Variants in MBD6 observed in about 807,000 individuals in gnomAD.
The protein encoded by MBD6 is methyl-CpG binding domain protein 6, also known as methyl-CpG-binding domain protein 6.
A neutral mutation model predicts 66.8 loss-of-function variants in MBD6; 22 were observed. The ratio of observed to expected loss-of-function variants is 0.33; its 90% CI spans 0.24 to 0.47. MBD6 has a LOEUF of 0.47. MBD6 is among the 20% of genes least tolerant of loss of function. MBD6 has a pLI of 1.00. For missense variants in MBD6, 1,322 were observed against 1,286.9 expected, an observed-to-expected ratio of 1.03 and a Z score of -0.42; for synonymous variants, 540 against 534.6, an observed-to-expected ratio of 1.01 and a Z score of -0.14.
upstream of MBD6, chr12:57,521,690 C>T (rs1433588317): frequency 3.3e-5 from 5 of 152,244 alleles, no homozygotes; most frequent in African/African-American, 1.2e-4. Context: ...ACCTATTTTC[C>T]CCCACGGTAC....
In MBD6 at chr12:57,528,179, A is replaced by T; in HGVS notation, c.2439A>T (p.Leu813=). The T allele has an allele frequency of 6.2e-7, 1 of 1,606,156 alleles. No homozygotes were observed. ...CAGAGCAGCCAGAAGCCCCCTGTCT[A>T]CCCCCCGAGAGCCCTGCCTCAGCCC... is the stretch of plus-strand genomic sequence containing the variant. ...IPPEQPEAPC[L]PPESPASALE... is the part of the protein sequence containing the mutation. Residue 813 remains leucine, a synonymous_variant, in exon 10 of 13, where the codon CTA becomes CTT. Coordinates refer to ENST00000355673, the MANE Select transcript of MBD6 (RefSeq NM_052897.4).
At position 57,528,515 on chromosome 12, in the gene MBD6, G is replaced by A. The variant is rs752403940; in HGVS notation, c.2775G>A (p.Glu925=). The stretch of plus-strand genomic sequence containing the variant: ...GGGAGCTGGCTGAAGGGGGTGCTGA[G>A]CCCAAGGATCCACCCCCTCCCGGGC... The part of the protein sequence containing the change: ...HNGELAEGGA[E]PKDPPPPGPH... The change falls in exon 10 of 13, where the codon GAG becomes GAA. Residue 925 remains glutamate, a synonymous_variant. Transcript: ENST00000355673. The A allele has an allele frequency of 9.3e-6, 15 of 1,613,508 alleles. No homozygotes were observed. In the South Asian group the frequency reaches 1.6e-4, roughly 18 times the overall value.
At chr12:57,525,192 G>A (rs1878785589) in intron 5 of MBD6, 77 bp downstream of exon 5, 2 of 1,549,498 alleles carry the variant, frequency 1.3e-6, no homozygotes, top group Non-Finnish European at 1.7e-6. Flanking sequence ...GGAGTTCCTT[G>A]AGAGGGAGCA....
At chr12:57,526,505 G>T in intron 6 of MBD6, 61 bp from the exon 7 acceptor site, 2 of 1,510,820 alleles carry the variant, frequency 1.3e-6, no homozygotes, top group Non-Finnish European at 8.9e-7. Flanking sequence ...AGGGAGGTTG[G>T]CTTCTTTGGA....
chr12:57,527,443 A>G, intron 7 of MBD6, 64 bp from the exon 8 acceptor site: 1 of 1,561,826 alleles, frequency 6.4e-7, no homozygotes, highest in Non-Finnish European at 8.8e-7. Flanking sequence ...AGTGGATGTG[A>G]AAGCACTATA....
At chr12:57,522,447 C>A (rs1878418546), upstream of MBD6, among the ~76,000 whole-genome samples, 1 of 152,144 alleles carries the variant, frequency 6.6e-6, no homozygotes, top group Non-Finnish European at 1.5e-5. Context: ...CCTCCCGGAC[C>A]TGGCATTCCT....
Position 57,525,620 on chromosome 12 carries a change from CCTG to C in MBD6, c.655_657del (p.Ala219del), listed in dbSNP as rs1211555693. 5 of 1,613,692 alleles carry C rather than the reference CCTG, an allele frequency of 3.1e-6. No individual in the cohort carries two copies. Among genetic ancestry groups the C allele is most frequent in the East Asian group, 4.5e-5 (2 of 44,864 alleles). The stretch of plus-strand genomic sequence containing the variant: ...CCCCTCTCCAGCCCCACCTCCTCCA[CCTG>C]CTATCAGCCTCAATGCTCCCTCATA... On this transcript the variant is annotated inframe_deletion, in exon 6 of 13. Transcript: ENST00000355673.
At position 57,528,207 on chromosome 12, in the gene MBD6, G is replaced by A. The variant is rs1031354997; in HGVS notation, c.2467G>A (p.Glu823Lys). 21 of 1,610,062 alleles carry A rather than the reference G, an allele frequency of 1.3e-5. No homozygotes were observed. The highest frequency in any genetic ancestry group is 6.6e-5 in the South Asian group (6 of 90,752). The change falls in exon 10 of 13, where the codon GAA (glutamate) becomes AAA (lysine). Residue 823 changes from glutamate to lysine, a missense_variant. By Grantham distance (56) the Glu-to-Lys change is moderately conservative (BLOSUM62 1). Transcript: ENST00000355673. ...LPPESPASAL[E>K]PEPARPPLSA... Reference sequence around the variant, plus strand: ...CCCCGAGAGCCCTGCCTCAGCCCTCGAACCAGAGCCTGCCAGGCCTCCCCT... The same window carrying A: ...CCCCGAGAGCCCTGCCTCAGCCCTCAAACCAGAGCCTGCCAGGCCTCCCCT...
Position 57,529,822 on chromosome 12 carries a change from C to G in MBD6, c.*588C>G, listed in dbSNP as rs1879456232. 2 of 153,908 alleles carry G rather than the reference C, an allele frequency of 1.3e-5. No homozygotes were observed. The highest frequency in any genetic ancestry group is 2.9e-5 in the Non-Finnish European group (2 of 69,016). The allele number at this position is 153,908 out of a possible 1,614,324, so 9.5% of individuals were successfully genotyped here. A position where few individuals can be genotyped will look rare whatever the true frequency, so the allele number is the denominator to read the frequency against. ...TCATTTCAAGGTGTAGCCAGGTTCC[C>G]CCGACTTTCCTCTGGGATATAAAAA... On this transcript the variant is annotated 3_prime_UTR_variant, in exon 13 of 13. Transcript: ENST00000355673.
In MBD6 at chr12:57,527,951, G is replaced by A. The variant is rs150653337; in HGVS notation, c.2340G>A (p.Gly780=). 8.7e-5 allele frequency: 139 copies of A among 1,597,196 alleles called. 1 individual carries two copies. In the South Asian group the frequency reaches 1.3e-3, roughly 15 times the overall value. The change falls in exon 9 of 13, where the codon GGG becomes GGA. Residue 780 remains glycine, a synonymous_variant. Coordinates refer to ENST00000355673, the MANE Select transcript of MBD6 (RefSeq NM_052897.4). ...AGTTGGGGCTGCAGCTCCTCCCTGG[G>A]GGGGGAGCTCCTCCACCCCTCTCAG... ...SGQLGLQLLP[G]GGAPPPLSEA...
In MBD6 at chr12:57,527,586, C is replaced by T. The variant is rs376552837; in HGVS notation, c.2162C>T (p.Ser721Phe). 3.6e-5 allele frequency: 58 copies of T among 1,613,958 alleles called. No homozygotes were observed. The highest frequency in any genetic ancestry group is 1.6e-4 in the Middle Eastern group (1 of 6,082). ...GCAACTACTGACCCGGGGGCCTCCT[C>T]TCTGGGCAAGGCCCCCTCCAACTCA... ...TTATTDPGASSLGKAPSNSGR... is the reference protein window; with the variant it reads ...TTATTDPGASFLGKAPSNSGR... Residue 721 changes from serine (S) to phenylalanine (F), a missense_variant, in exon 8 of 13, where the codon TCT becomes TTT. Transcript: ENST00000355673.
chr12:57,531,388 G>A (rs1475425978), downstream of MBD6, among the ~76,000 whole-genome samples: 3 of 152,070 alleles, frequency 2.0e-5, no homozygotes, highest in Non-Finnish European at 2.9e-5. Flanking sequence ...GTGGTGGTGC[G>A]TGCCTGTAAT....
chr12:57,522,770 G>GGCGGCGGCGGCGGCAGCC (rs1452074288), upstream of MBD6: 2 of 158,390 alleles, frequency 1.3e-5, no homozygotes, highest in Admixed American at 6.6e-5. Context: ...CGGCGGCGGC[G>GGCGGCGGCGGCGGCAGCC]GCAGCGGCAG....
Position 57,529,154 on chromosome 12 carries a change from T to C in MBD6, c.2938-6T>C, listed in dbSNP as rs775414282. 8 of 1,614,106 alleles carry C rather than the reference T, an allele frequency of 5.0e-6. No individual in the cohort carries two copies. Among genetic ancestry groups the C allele is most frequent in the Non-Finnish European group, 5.9e-6 (7 of 1,179,976 alleles). ...CCACTTCTATCAACTTCCCCTCTGA[T>C]ATTAGGCAGCTGTCCCTCTGCCTCC... On this transcript the variant is annotated splice_polypyrimidine_tract_variant and splice_region_variant and intron_variant, in intron 12 of 12. Coordinates refer to ENST00000355673, the MANE Select transcript of MBD6 (RefSeq NM_052897.4).
rs150653337 is a variant in MBD6, at chr12:57,527,951, G to C, written c.2340G>C (p.Gly780=). 3,920 of 1,597,196 alleles carry C rather than the reference G, an allele frequency of 2.5e-3. 9 individuals carry two copies. The highest frequency in any genetic ancestry group is 2.9e-3 in the Non-Finnish European group (3,416 of 1,173,330). Residue 780 remains glycine, a synonymous_variant, in exon 9 of 13, where the codon GGG becomes GGC. Coordinates refer to ENST00000355673, the MANE Select transcript of MBD6 (RefSeq NM_052897.4). The part of the protein sequence containing the change: ...SGQLGLQLLP[G]GGAPPPLSEA... Reference sequence around the variant, plus strand: ...AGTTGGGGCTGCAGCTCCTCCCTGGGGGGGGAGCTCCTCCACCCCTCTCAG... The same window carrying C: ...AGTTGGGGCTGCAGCTCCTCCCTGGCGGGGGAGCTCCTCCACCCCTCTCAG...
chr12:57,528,521 G>C lies in MBD6; in HGVS notation c.2781G>C (p.Lys927Asn). ...TGGCTGAAGGGGGTGCTGAGCCCAA[G>C]GATCCACCCCCTCCCGGGCCCCATT... is the stretch of plus-strand genomic sequence containing the variant. ...GELAEGGAEP[K>N]DPPPPGPHSE... The change falls in exon 10 of 13, where the codon AAG becomes AAC. Residue 927 changes from lysine to asparagine, a missense_variant. Lys to Asn is a moderately conservative substitution (Grantham distance 94). Coordinates refer to ENST00000355673, the MANE Select transcript of MBD6 (RefSeq NM_052897.4). The C allele has an allele frequency of 6.2e-7, 1 of 1,613,306 alleles. No homozygotes were observed. The highest frequency in any genetic ancestry group is 8.5e-7 in the Non-Finnish European group (1 of 1,179,490).
chr12:57,527,395 A>G, intron 7 of MBD6, 112 bp from the exon 8 acceptor site: 1 of 1,376,456 alleles, frequency 7.3e-7, no homozygotes. Flanking sequence ...TCTGTATTTA[A>G]TAAGCATGGC....
intron 11 of MBD6, 96 bp downstream of exon 11, chr12:57,528,814 C>A: frequency 3.1e-6 from 5 of 1,597,302 alleles, no homozygotes; most frequent in Non-Finnish European, 4.3e-6. Context: ...TTCAAAAGGG[C>A]AGATTCTTAT....
chr12:57,524,496 G>A (rs938619463), intron 3 of MBD6, 80 bp downstream of exon 3: 42 of 1,309,572 alleles, frequency 3.2e-5, no homozygotes, highest in Non-Finnish European at 4.3e-5. Flanking sequence ...TCTCAGCTCA[G>A]CTCTCTGGTA....
Sources: allele counts gnomAD v4.1 joint callset (sites outside exome capture counted in the v4.1 genomes callset), GRCh38; gene constraint gnomAD v4.1.1; transcripts MANE v1.5; gene names NCBI Gene and HGNC (gene_info 2026-07-23, HGNC 2026-07-21).